OPCML: variants seen among roughly 807,000 people sequenced by gnomAD.
The protein encoded by OPCML is opioid-binding protein/cell adhesion molecule.
A neutral mutation model predicts 37.8 loss-of-function variants in OPCML; 13 were observed. The ratio of observed to expected loss-of-function variants is 0.34; its 90% CI spans 0.22 to 0.55. OPCML has a LOEUF of 0.55. Ranked by LOEUF, OPCML falls within the 20% of genes least tolerant of loss-of-function variation. The pLI is 0.91. For missense variants in OPCML, 341 were observed against 435.6 expected, an observed-to-expected ratio of 0.78 and a Z score of 1.93; for synonymous variants, 176 against 168.8, an observed-to-expected ratio of 1.04 and a Z score of -0.33.
chr11:132,614,486 C>T (rs553894350), intron 3 of OPCML, among the ~76,000 whole-genome samples: 13 of 152,184 alleles, frequency 8.5e-5, no homozygotes, highest in Non-Finnish European at 1.5e-4. Context: ...CTGCGGGCCT[C>T]TGCACTGACG....
chr11:133,091,054 C>T (rs1343106965), intron 1 of OPCML, among the ~76,000 whole-genome samples: 2 of 152,256 alleles, frequency 1.3e-5, no homozygotes, highest in African/African-American at 2.4e-5. Context: ...AACCTGAAGA[C>T]CCAGGGATGA....
chr11:133,182,360 G>T (rs1404537573), intron 1 of OPCML, among the ~76,000 whole-genome samples: 3 of 152,192 alleles, frequency 2.0e-5, no homozygotes, highest in African/African-American at 7.2e-5. Flanking sequence ...AAGAAGAGAT[G>T]CAGCAATGCA....
At chr11:132,475,810 T>C (rs2096153346) in intron 4 of OPCML, among the ~76,000 whole-genome samples, 1 of 152,242 alleles carries the variant, frequency 6.6e-6, no homozygotes, top group Non-Finnish European at 1.5e-5. Context: ...ACATGCAGTA[T>C]TTTGCCAAAC....
At chr11:132,812,119 C>T (rs897762676) in intron 2 of OPCML, among the ~76,000 whole-genome samples, 2 of 152,122 alleles carry the variant, frequency 1.3e-5, no homozygotes, top group Non-Finnish European at 2.9e-5. Context: ...TTTAACCCAA[C>T]CTTAGAGAAT....
intron 2 of OPCML, among the ~76,000 whole-genome samples, chr11:132,750,759 C>T (rs1169897535): frequency 1.3e-5 from 2 of 151,890 alleles, no homozygotes. Context: ...CAAATACTTG[C>T]CTTGGCAATA....
chr11:132,884,507 A>G (rs749310361), intron 2 of OPCML, among the ~76,000 whole-genome samples: 6 of 152,236 alleles, frequency 3.9e-5, no homozygotes, highest in Non-Finnish European at 5.9e-5. Flanking sequence ...ACTAGATCTT[A>G]GAAAATAAAA....
At chr11:133,063,398 G>C (rs1037492868) in intron 1 of OPCML, among the ~76,000 whole-genome samples, 2 of 152,184 alleles carry the variant, frequency 1.3e-5, no homozygotes, top group African/African-American at 4.8e-5. Flanking sequence ...AAAGGTCCCA[G>C]GGAGCCACAT....
intron 2 of OPCML, among the ~76,000 whole-genome samples, chr11:132,686,719 T>C (rs1240246434): frequency 6.6e-6 from 1 of 152,220 alleles, no homozygotes; most frequent in Non-Finnish European, 1.5e-5. Context: ...CCTAGGTTTC[T>C]AGGACTGTCA....
intron 1 of OPCML, among the ~76,000 whole-genome samples, chr11:133,389,822 G>C (rs1174673161): frequency 6.6e-6 from 1 of 152,178 alleles, no homozygotes; most frequent in Non-Finnish European, 1.5e-5. Flanking sequence ...ATGGTGCATA[G>C]CACATGGGTA....
In OPCML at chr11:133,177,691, A is replaced by C. The variant is rs1353470888; in HGVS notation, c.62-234681T>G. On this transcript the variant is annotated intron_variant, in intron 1 of 7. Transcript: ENST00000524381. This position sits in a 1 kb window ranked among gnomAD's most constrained non-coding sequence, Gnocchi z 5.0. The stretch of plus-strand genomic sequence containing the variant: ...TCTCAGAAGCATCCAGTGAAATCGC[A>C]GTAACAGTGGGTGGTACACTAAGGT... 1.3e-5 allele frequency among the ~76,000 whole-genome samples: 2 copies of C among 152,206 alleles called. No individual in the cohort carries two copies. Among genetic ancestry groups the C allele is most frequent in the Non-Finnish European group, 2.9e-5 (2 of 68,032 alleles).
chr11:132,913,160 G>C (rs1297571787), intron 2 of OPCML, among the ~76,000 whole-genome samples: 1 of 152,092 alleles, frequency 6.6e-6, no homozygotes. Flanking sequence ...TAACTGCATT[G>C]ATTGAAATTG....
At chr11:132,807,478 C>T (rs1939084031) in intron 2 of OPCML, among the ~76,000 whole-genome samples, 7 of 152,130 alleles carry the variant, frequency 4.6e-5, no homozygotes, top group Non-Finnish European at 5.9e-5. Flanking sequence ...CTGTAAGTCC[C>T]ATTTCACTTC....
intron 1 of OPCML, among the ~76,000 whole-genome samples, chr11:133,050,499 G>A (rs1269907510): frequency 6.6e-6 from 1 of 152,110 alleles, no homozygotes; most frequent in Non-Finnish European, 1.5e-5. Flanking sequence ...CATGCTGGGG[G>A]AGTGGTCTGA....
intron 2 of OPCML, among the ~76,000 whole-genome samples, chr11:132,861,271 G>A (rs1376184571): frequency 6.6e-6 from 1 of 152,216 alleles, no homozygotes; most frequent in Non-Finnish European, 1.5e-5. Context: ...AGAAGGGCTA[G>A]GCGCTTGTTT....
intron 7 of OPCML, among the ~76,000 whole-genome samples, chr11:132,427,170 C>T (rs1321196492): frequency 6.6e-6 from 1 of 152,090 alleles, no homozygotes; most frequent in Non-Finnish European, 1.5e-5. Flanking sequence ...AAAAAAGCCC[C>T]TAGGCAAGTT....
At chr11:133,355,972 A>G (rs1224056705) in intron 1 of OPCML, among the ~76,000 whole-genome samples, 2 of 152,184 alleles carry the variant, frequency 1.3e-5, no homozygotes, top group Non-Finnish European at 2.9e-5. Flanking sequence ...TAGAGTGGGC[A>G]TTCAGAATAA....
intron 1 of OPCML, among the ~76,000 whole-genome samples, chr11:133,504,688 G>A (rs1947989187): frequency 6.6e-6 from 1 of 152,184 alleles, no homozygotes; most frequent in Non-Finnish European, 1.5e-5. Context: ...ATGGGACTGG[G>A]TGGCCCCAGG....
chr11:132,712,391 C>A (rs955490355), intron 2 of OPCML, among the ~76,000 whole-genome samples: 4 of 151,980 alleles, frequency 2.6e-5, no homozygotes, highest in Admixed American at 2.6e-4. Context: ...TAATAAGGCT[C>A]CCCCTCGGTG....
intron 3 of OPCML, among the ~76,000 whole-genome samples, chr11:132,609,047 T>G (rs913271019): frequency 6.6e-6 from 1 of 152,088 alleles, no homozygotes; most frequent in Admixed American, 6.5e-5. Flanking sequence ...CAGGCCTTCT[T>G]TCATACTAGT....
Sources: gnomAD v4.1 joint callset for allele counts (sites outside exome capture counted in the v4.1 genomes callset) on GRCh38, gnomAD v4.1.1 for gene constraint, Gnocchi (gnomAD v3.1) non-coding constraint, MANE v1.5 for transcripts, NCBI Gene and HGNC (gene_info 2026-07-23, HGNC 2026-07-21) for gene names.